USP34: variants seen among roughly 807,000 people sequenced by gnomAD.
USP34 encodes ubiquitin specific peptidase 34.
Under a neutral mutation model 460.3 loss-of-function variants are expected in USP34, and 70 were observed. That is an observed-to-expected ratio of 0.15 (90% CI 0.13 to 0.19). The LOEUF (loss-of-function observed/expected upper bound fraction) is 0.19. Ranked by LOEUF, USP34 falls within the 10% of genes least tolerant of loss-of-function variation. USP34 has a pLI of 1.00. For synonymous variants in USP34, 1,647 were observed against 1,405.3 expected, an observed-to-expected ratio of 1.17 and a Z score of -3.85; for missense variants, 3,985 against 4,236.2, an observed-to-expected ratio of 0.94 and a Z score of 1.65.
intron 2 of USP34, among the ~76,000 whole-genome samples, chr2:61,407,358 C>T (rs983427149): frequency 6.6e-6 from 1 of 152,118 alleles, no homozygotes; most frequent in Admixed American, 6.5e-5. Context: ...AAAACCATGT[C>T]TCAAAAAAAG....
intron 49 of USP34, among the ~76,000 whole-genome samples, chr2:61,247,109 T>A (rs2103871809): frequency 6.6e-6 from 1 of 152,058 alleles, no homozygotes. Flanking sequence ...ACACTTCCTA[T>A]CCCCAAAGAT....
At chr2:61,301,967 GA>G (rs1162939216) in intron 27 of USP34, among the ~76,000 whole-genome samples, 3 of 151,622 alleles carry the variant, frequency 2.0e-5, no homozygotes, top group Non-Finnish European at 1.5e-5. Flanking sequence ...GGAAGGAAAG[GA>G]AAAAGGAAAG....
Position 61,228,856 on chromosome 2 carries a change from A to G in USP34, c.7339T>C (p.Tyr2447His). ...KHLTEYFAFLYEFAKMGEEES... is the reference protein window; with the variant it reads ...KHLTEYFAFLHEFAKMGEEES... ...TCTTCACCCATTTTTGCAAATTCGT[A>G]AAGGAAGGCAAAATACTCTGTAAGA... is the stretch of plus-strand genomic sequence containing the variant. Residue 2447 changes from tyrosine (Y) to histidine (H), a missense_variant, in exon 60 of 80, where the codon TAC becomes CAC. Tyr to His is a moderately conservative substitution (Grantham distance 83). Around this residue, in one of 14 missense-constraint regions of USP34, gnomAD observed 604 missense variants for 684.8 expected, o/e 0.88. Coordinates refer to ENST00000398571, the MANE Select transcript of USP34 (RefSeq NM_014709.4). The G allele has an allele frequency of 6.3e-7, 1 of 1,598,760 alleles. No homozygotes were observed. The highest frequency in any genetic ancestry group is 8.5e-7 in the Non-Finnish European group (1 of 1,173,208).
At chr2:61,387,586 T>C (rs1693190917) in intron 5 of USP34, among the ~76,000 whole-genome samples, 1 of 147,280 alleles carries the variant, frequency 6.8e-6, no homozygotes, top group Non-Finnish European at 1.5e-5. Context: ...ATAAAATATA[T>C]ATATTTATAT....
At chr2:61,425,376 G>C (rs910850469) in intron 1 of USP34, among the ~76,000 whole-genome samples, 1 of 152,002 alleles carries the variant, frequency 6.6e-6, no homozygotes, top group African/African-American at 2.4e-5. Context: ...TCCTCAATTA[G>C]CAACTACGCA....
At chr2:61,199,928 G>A (rs918840652) in intron 75 of USP34, 1 of 152,322 alleles carries the variant, frequency 6.6e-6, no homozygotes, top group Non-Finnish European at 1.5e-5. Flanking sequence ...GAACTGTGAA[G>A]TATCTATTAA....
Position 61,214,459 on chromosome 2 carries a change from G to A in USP34, c.8283C>T (p.Tyr2761=), listed in dbSNP as rs1687347001. 2 of 1,614,190 alleles carry A rather than the reference G, an allele frequency of 1.2e-6. No individual in the cohort carries two copies. Among genetic ancestry groups the A allele is most frequent in the African/African-American group, 1.3e-5 (1 of 75,044 alleles). ...KLVPYFSFMT[Y]CLISKTEKLM... ...GCTTCTCAGTTTTGGAAATTAAACA[G>A]TAAGTCATAAAGCTAAAATAGGGCA... Residue 2761 remains tyrosine, a synonymous_variant, in exon 68 of 80, where the codon TAC becomes TAT. Transcript: ENST00000398571.
chr2:61,446,125 A>G (rs1695109193), intron 1 of USP34, among the ~76,000 whole-genome samples: 1 of 151,584 alleles, frequency 6.6e-6, no homozygotes, highest in South Asian at 2.1e-4. Context: ...AAAAAAAAAA[A>G]AAAAAAAAAC....
At chr2:61,452,239 C>T (rs1214908228) in intron 1 of USP34, among the ~76,000 whole-genome samples, 1 of 149,904 alleles carries the variant, frequency 6.7e-6, no homozygotes, top group African/African-American at 2.4e-5. Context: ...AATGACCTTT[C>T]TAAATAACAA....
intron 23 of USP34, among the ~76,000 whole-genome samples, chr2:61,317,422 G>A (rs912748834): frequency 6.6e-6 from 1 of 152,126 alleles, no homozygotes. Context: ...AGCTACTTCG[G>A]GGGCTGAGGC....
rs865892973 is a variant in USP34, at chr2:61,262,138, G to T, written c.5779-2362C>A. On this transcript the variant is annotated intron_variant, in intron 43 of 79. Transcript: ENST00000398571. ...AAAAATATATATATATATATAGATAGATAGATAGATAGATAGATATAGAAA... is the reference window on the plus strand; with the variant it reads ...AAAAATATATATATATATATAGATATATAGATAGATAGATAGATATAGAAA... Among the ~76,000 whole-genome samples, 350 of 124,228 alleles carry T rather than the reference G, an allele frequency of 2.8e-3. 2 individuals carry two copies. The highest frequency in any genetic ancestry group is 0.01 in the African/African-American group (321 of 31,358). 81.5% of individuals were successfully genotyped at this position (124,228 alleles called of 152,430 possible).
At position 61,382,049 on chromosome 2, in the gene USP34, T is replaced by C. The variant is rs192639687; in HGVS notation, c.821+1220A>G. Reference sequence around the variant, plus strand: ...TTGATTTTATTTTCACTTACATTCATCCAATTTTCAAAATCATCATTAACA... The same window carrying C: ...TTGATTTTATTTTCACTTACATTCACCCAATTTTCAAAATCATCATTAACA... On this transcript the variant is annotated intron_variant, in intron 6 of 79. Transcript: ENST00000398571. Among the ~76,000 whole-genome samples the C allele has an allele frequency of 5.9e-5, 9 of 152,270 alleles. No homozygotes were observed. In the East Asian group the frequency reaches 1.5e-3, roughly 26 times the overall value.
chr2:61,338,189 C>T (rs1465274923), intron 18 of USP34, among the ~76,000 whole-genome samples: 2 of 152,094 alleles, frequency 1.3e-5, no homozygotes, highest in East Asian at 3.9e-4. Flanking sequence ...GCCATGATGG[C>T]AGGTGCCTGT....
At chr2:61,402,647 C>G (rs1329037107) in intron 3 of USP34, among the ~76,000 whole-genome samples, 1 of 152,088 alleles carries the variant, frequency 6.6e-6, no homozygotes, top group Non-Finnish European at 1.5e-5. Flanking sequence ...GAATCTTGTC[C>G]TCCTAAGAAT....
chr2:61,323,286 C>T (rs745902090), intron 21 of USP34, among the ~76,000 whole-genome samples: 7 of 152,096 alleles, frequency 4.6e-5, no homozygotes, highest in South Asian at 2.1e-4. Flanking sequence ...CCGAGGCGGG[C>T]GGATCACGAG....
intron 62 of USP34, 159 bp from the exon 63 acceptor site, chr2:61,223,455 T>C (rs1687646198): frequency 1.4e-6 from 1 of 699,868 alleles, no homozygotes; most frequent in Non-Finnish European, 2.3e-6. Flanking sequence ...TAAATGTCTT[T>C]TGGGCAACTT....
At chr2:61,455,457 G>GT (rs1350253752) in intron 1 of USP34, among the ~76,000 whole-genome samples, 2 of 151,964 alleles carry the variant, frequency 1.3e-5, no homozygotes, top group South Asian at 2.1e-4. Flanking sequence ...GGATTACAGG[G>GT]TTTTTTTGTT....
At chr2:61,463,761 G>C (rs766942572) in intron 1 of USP34, among the ~76,000 whole-genome samples, 1 of 151,708 alleles carries the variant, frequency 6.6e-6, no homozygotes, top group Non-Finnish European at 1.5e-5. Context: ...TTGAACCCAG[G>C]AGGCGGAGGT....
At chr2:61,284,366 T>C (rs1689625967) in intron 35 of USP34, among the ~76,000 whole-genome samples, 2 of 152,086 alleles carry the variant, frequency 1.3e-5, no homozygotes. Flanking sequence ...TACTTGAAAA[T>C]GTATCATGAG....
Sources: gnomAD v4.1 joint callset for allele counts (sites outside exome capture counted in the v4.1 genomes callset) on GRCh38, gnomAD v4.1.1 for gene constraint, gnomAD v4.1.1 regional missense constraint, MANE v1.5 for transcripts, NCBI Gene and HGNC (gene_info 2026-07-23, HGNC 2026-07-21) for gene names.